Variants in LRMDA observed in about 807,000 individuals in gnomAD.
LRMDA encodes leucine rich melanocyte differentiation associated, also known as leucine-rich melanocyte differentiation-associated protein.
Under a neutral mutation model 29.8 loss-of-function variants are expected in LRMDA, and 18 were observed. That is an observed-to-expected ratio of 0.60 (90% CI 0.42 to 0.90). The LOEUF is 0.90. LRMDA is among the 40% of genes least tolerant of loss of function. LRMDA has a pLI of 0.00. For missense variants in LRMDA, 273 were observed against 273.9 expected (o/e 1.00, Z 0.02); for synonymous variants, 125 against 109.4 (o/e 1.14, Z -0.89).
chr10:76,228,345 C>A (rs1301894307), intron 5 of LRMDA, among the ~76,000 whole-genome samples: 1 of 152,102 alleles, frequency 6.6e-6, no homozygotes, highest in African/African-American at 2.4e-5. Flanking sequence ...ATTTTAACCA[C>A]CCAAGGGGTT....
intron 6 of LRMDA, among the ~76,000 whole-genome samples, chr10:76,414,485 T>G (rs1446410987): frequency 1.3e-5 from 2 of 152,170 alleles, no homozygotes; most frequent in Non-Finnish European, 2.9e-5. Flanking sequence ...GGGCTAGAGA[T>G]AAAAGGATAA....
chr10:76,317,220 T>A (rs1414397293), intron 5 of LRMDA, among the ~76,000 whole-genome samples: 1 of 152,228 alleles, frequency 6.6e-6, no homozygotes, highest in Non-Finnish European at 1.5e-5. Flanking sequence ...CTTTCCTAAG[T>A]GTCAGTTTTT....
intron 2 of LRMDA, among the ~76,000 whole-genome samples, chr10:75,507,514 T>C (rs10824312): frequency 0.24 from 36,380 of 152,134 alleles, 4,505 homozygotes; most frequent in Non-Finnish European, 0.26. Context: ...CATGTTGAAG[T>C]CACCCAGAGA....
Position 76,000,942 on chromosome 10 carries a change from T to G in LRMDA, c.132-35066T>G, listed in dbSNP as rs116040643. Among the ~76,000 whole-genome samples the G allele has an allele frequency of 7.0e-3, 1,061 of 152,300 alleles. 8 individuals are homozygous for G. Among genetic ancestry groups the G allele is most frequent in the African/African-American group, 0.024 (1,006 of 41,564 alleles). On this transcript the variant is annotated intron_variant, in intron 2 of 6. Transcript: ENST00000611255. ...GCACCATTAGAAAACAAGGACTTAT[T>G]AGGCCCCCTCACGTTGATTCATTCA...
chr10:76,288,383 A>G (rs1199559408), intron 5 of LRMDA, among the ~76,000 whole-genome samples: 2 of 152,202 alleles, frequency 1.3e-5, no homozygotes, highest in African/African-American at 4.8e-5. Flanking sequence ...TATGGAATGG[A>G]ACCTAAATGC....
chr10:76,293,278 GC>G (rs2132350493), intron 5 of LRMDA, among the ~76,000 whole-genome samples: 1 of 152,284 alleles, frequency 6.6e-6, no homozygotes, highest in South Asian at 2.1e-4. Flanking sequence ...ACCATGCCCA[GC>G]CTAGTCTGTG....
chr10:76,450,825 ACT>A (rs1416331381), intron 6 of LRMDA, among the ~76,000 whole-genome samples: 1 of 151,980 alleles, frequency 6.6e-6, no homozygotes, highest in African/African-American at 2.4e-5. Context: ...TTCCTTTGAC[ACT>A]CTGATTCTCT....
At chr10:76,136,013 G>A (rs566224349) in intron 5 of LRMDA, among the ~76,000 whole-genome samples, 2 of 152,114 alleles carry the variant, frequency 1.3e-5, no homozygotes, top group Non-Finnish European at 2.9e-5. Context: ...GGCATAGATT[G>A]TTATCTTGAA....
At chr10:75,805,371 T>C (rs1390815871) in intron 2 of LRMDA, among the ~76,000 whole-genome samples, 1 of 152,214 alleles carries the variant, frequency 6.6e-6, no homozygotes, top group Non-Finnish European at 1.5e-5. Flanking sequence ...ATGTGGAGCC[T>C]CTGGCTTCGT....
At chr10:75,826,566 G>A (rs949442303) in intron 2 of LRMDA, among the ~76,000 whole-genome samples, 3 of 152,044 alleles carry the variant, frequency 2.0e-5, no homozygotes, top group Non-Finnish European at 4.4e-5. Context: ...TATTAACTAC[G>A]AAGTTTTATA....
rs79529210 is a variant in LRMDA, at chr10:75,962,299, T to C, written c.132-73709T>C. Among the ~76,000 whole-genome samples, 714 of 152,238 alleles carry C rather than the reference T, an allele frequency of 4.7e-3. 9 individuals are homozygous for C. Among genetic ancestry groups the C allele is most frequent in the African/African-American group, 0.016 (682 of 41,560 alleles). On this transcript the variant is annotated intron_variant, in intron 2 of 6. Transcript: ENST00000611255. ...TTTCTGCCTCTCAAAAATGAGGGTG[T>C]TGGACTAGAGCAGTGGCTTGCAAAG...
chr10:76,058,587 T>G, intron 4 of LRMDA, 79 bp from the exon 5 acceptor site: 1 of 1,188,484 alleles, frequency 8.4e-7, no homozygotes, highest in Non-Finnish European at 1.3e-6. Context: ...GTGTGGATTC[T>G]TGAAGATCAG....
rs746567522 is a variant in LRMDA, at chr10:76,047,214, T to C, written c.309T>C (p.Ala103=). Residue 103 remains alanine (A), a synonymous_variant, in exon 4 of 7, where the codon GCT becomes GCC. Coordinates refer to ENST00000611255, the MANE Select transcript of LRMDA (RefSeq NM_001305581.2). ...ATCACTTGGCAGAAGTGACACCAGCTCTGGAGTACCTCAGTCTGCTGGGCA... is the reference window on the plus strand; with the variant it reads ...ATCACTTGGCAGAAGTGACACCAGCCCTGGAGTACCTCAGTCTGCTGGGCA... ...LLDHLAEVTP[A]LEYLSLLGNV... 1.2e-6 allele frequency: 2 copies of C among 1,614,102 alleles called. No homozygotes were observed. Among genetic ancestry groups the C allele is most frequent in the South Asian group, 2.2e-5 (2 of 91,062 alleles).
At chr10:76,399,708 G>A (rs1841827816) in intron 6 of LRMDA, among the ~76,000 whole-genome samples, 1 of 152,160 alleles carries the variant, frequency 6.6e-6, no homozygotes, top group Non-Finnish European at 1.5e-5. Flanking sequence ...TGCTCCTGTA[G>A]TTCCAGTTAC....
chr10:75,587,824 TC>T (rs1173662408), intron 2 of LRMDA, among the ~76,000 whole-genome samples: 2 of 152,202 alleles, frequency 1.3e-5, no homozygotes. Flanking sequence ...CGATCCCTGG[TC>T]CAATCAGCCA....
At chr10:75,729,954 A>G (rs1161572071) in intron 2 of LRMDA, among the ~76,000 whole-genome samples, 1 of 151,978 alleles carries the variant, frequency 6.6e-6, no homozygotes, top group Non-Finnish European at 1.5e-5. Context: ...CACACCACCA[A>G]GGCTATTTTT....
intron 1 of LRMDA, among the ~76,000 whole-genome samples, chr10:75,437,041 C>G (rs192116669): frequency 6.6e-6 from 1 of 152,116 alleles, no homozygotes; most frequent in Non-Finnish European, 1.5e-5. Flanking sequence ...ATCCTTTCTC[C>G]TTATTTTCTC....
At chr10:76,208,396 C>T (rs549419171) in intron 5 of LRMDA, among the ~76,000 whole-genome samples, 24 of 152,144 alleles carry the variant, frequency 1.6e-4, no homozygotes, top group South Asian at 6.3e-4. Flanking sequence ...TGGAAATTGG[C>T]GGGGGGCAAC....
In LRMDA at chr10:76,276,006, AATCTATCTATCTATCT is replaced by A. The variant is rs3066426; in HGVS notation, c.517-48362_517-48347del. 2.2e-3 allele frequency among the ~76,000 whole-genome samples: 325 copies of A among 146,826 alleles called. 1 individual carries two copies. The highest frequency in any genetic ancestry group is 4.5e-3 in the African/African-American group (178 of 39,326). On this transcript the variant is annotated intron_variant, in intron 5 of 6. Transcript: ENST00000611255. The stretch of plus-strand genomic sequence containing the variant: ...ATTCTGTTATTGAGACAATCTAGTG[AATCTATCTATCTATCT>A]ATCTATCTATCTATCTATCTATCTA...
Sources: gnomAD v4.1 joint callset for allele counts (sites outside exome capture counted in the v4.1 genomes callset) on GRCh38, gnomAD v4.1.1 for gene constraint, MANE v1.5 for transcripts, NCBI Gene and HGNC (gene_info 2026-07-23, HGNC 2026-07-21) for gene names.